Variants in SEM1 observed in about 807,000 individuals in gnomAD.
The protein encoded by SEM1 is SEM1 26S proteasome subunit, also known as 26S proteasome complex subunit SEM1.
SEM1 carries 3 observed loss-of-function variants against 12.7 expected under a neutral mutation model. The ratio of observed to expected loss-of-function variants is 0.24; its 90% confidence interval spans 0.11 to 0.61. SEM1 has a LOEUF of 0.61. SEM1 is among the 20% of genes least tolerant of loss of function. The pLI is 0.88. For missense variants in SEM1, 59 were observed against 81.3 expected (o/e 0.73, Z 1.06); for synonymous variants, 30 against 27.8 (o/e 1.08, Z -0.25).
chr7:96,524,087 A>T (rs186379811), intron 2 of SEM1, among the ~76,000 whole-genome samples: 116 of 152,174 alleles, frequency 7.6e-4, no homozygotes, highest in Admixed American at 3.6e-3. Flanking sequence ...GACTTTTTGG[A>T]CATGCTGCCA....
chr7:96,613,010 A>T (rs776131538), intron 2 of SEM1, among the ~76,000 whole-genome samples: 17 of 152,280 alleles, frequency 1.1e-4, no homozygotes, highest in African/African-American at 3.8e-4. Context: ...TATTTTTTTT[A>T]AAGTCATCTG....
chr7:96,550,986 T>C (rs2115840023), intron 2 of SEM1, among the ~76,000 whole-genome samples: 1 of 152,284 alleles, frequency 6.6e-6, no homozygotes, highest in Middle Eastern at 3.4e-3. Context: ...CAACAGATAC[T>C]ATGTGCATCA....
At chr7:96,497,029 ACACT>A (rs1803308832), upstream of SEM1, among the ~76,000 whole-genome samples, 1 of 152,038 alleles carries the variant, frequency 6.6e-6, no homozygotes, top group South Asian at 2.1e-4. Context: ...ACACACACAC[ACACT>A]CTGTCATACA....
intron 2 of SEM1, among the ~76,000 whole-genome samples, chr7:96,567,365 CACTTATACA>C (rs1805873630): frequency 2.6e-5 from 4 of 151,436 alleles, no homozygotes; most frequent in Non-Finnish European, 5.9e-5. Flanking sequence ...ATGTAACTTT[CACTTATACA>C]TAGGAAAATA....
At chr7:96,592,343 C>A (rs887845709) in intron 2 of SEM1, among the ~76,000 whole-genome samples, 1 of 151,874 alleles carries the variant, frequency 6.6e-6, no homozygotes, top group Admixed American at 6.6e-5. Flanking sequence ...GAGGCACTTG[C>A]CCCCAACTGA....
chr7:96,652,368 A>T (rs1584835178), intron 2 of SEM1, among the ~76,000 whole-genome samples: 1 of 152,136 alleles, frequency 6.6e-6, no homozygotes, highest in Non-Finnish European at 1.5e-5. Flanking sequence ...TGAATTCTAT[A>T]TATATTGTAC....
chr7:96,568,135 C>T (rs1805906783), intron 2 of SEM1, among the ~76,000 whole-genome samples: 1 of 151,706 alleles, frequency 6.6e-6, no homozygotes, highest in Admixed American at 6.6e-5. Context: ...GGGCCTGATG[C>T]CTGCAACTTT....
At chr7:96,700,149 C>T (rs928061843) in intron 1 of SEM1, among the ~76,000 whole-genome samples, 1 of 152,026 alleles carries the variant, frequency 6.6e-6, no homozygotes, top group East Asian at 1.9e-4. Context: ...TTTTCAGTAC[C>T]AGATTTATAG....
At chr7:96,483,998 A>G (rs754651900) in intron 3 of SEM1, 36 of 1,492,228 alleles carry the variant, frequency 2.4e-5, no homozygotes, top group Non-Finnish European at 3.2e-5. Flanking sequence ...CCTATGAAGA[A>G]GAATGATAAA....
At chr7:96,585,729 T>C (rs979543009) in intron 2 of SEM1, among the ~76,000 whole-genome samples, 9 of 138,086 alleles carry the variant, frequency 6.5e-5, no homozygotes, top group Non-Finnish European at 1.3e-4. Flanking sequence ...GACCCGATTT[T>C]CCAGGTGCTG....
chr7:96,555,822 TC>T (rs541727572), intron 2 of SEM1, among the ~76,000 whole-genome samples: 3,174 of 149,688 alleles, frequency 0.021, 85 homozygotes, highest in African/African-American at 0.075. Flanking sequence ...CGTGTGGGAG[TC>T]TAAGTCTCTT....
intron 1 of SEM1, among the ~76,000 whole-genome samples, chr7:96,700,475 G>A (rs1790236387): frequency 6.6e-6 from 1 of 152,144 alleles, no homozygotes; most frequent in Non-Finnish European, 1.5e-5. Context: ...CCAAGTGGTA[G>A]TCAGCCCTCT....
intron 2 of SEM1, among the ~76,000 whole-genome samples, chr7:96,674,263 A>G (rs1388094436): frequency 6.6e-6 from 1 of 152,168 alleles, no homozygotes; most frequent in East Asian, 1.9e-4. Flanking sequence ...TTTACTTACC[A>G]ACAAAATAGG....
chr7:96,551,460 G>T (rs919088522), intron 2 of SEM1, among the ~76,000 whole-genome samples: 1 of 152,098 alleles, frequency 6.6e-6, no homozygotes, highest in Non-Finnish European at 1.5e-5. Flanking sequence ...AGCACTTTGG[G>T]AGGCCAAGGC....
intron 2 of SEM1, among the ~76,000 whole-genome samples, chr7:96,677,856 A>T (rs982997740): frequency 4.6e-5 from 7 of 152,180 alleles, no homozygotes; most frequent in Non-Finnish European, 1.0e-4. Context: ...ATGTTTTCCC[A>T]GTAGCCAAGA....
rs1253870883 is a variant in SEM1 at position 96,640,614 on chromosome 7, A to C, written c.171-17971T>G. ...GTGGAGAACAGAGGATTTTTAGGGA[A>C]GTGAAAATACTCTGTAAGATACTAT... On this transcript the variant is annotated intron_variant, in intron 2 of 2. Coordinates refer to the SEM1 transcript ENST00000417009. This position sits in a 1 kb window ranked among gnomAD's most constrained non-coding sequence, Gnocchi z 4.0. 6.6e-6 allele frequency among the ~76,000 whole-genome samples: 1 copy of C among 151,960 alleles called. No homozygotes were observed. Among genetic ancestry groups the C allele is most frequent in the East Asian group, 1.9e-4 (1 of 5,184 alleles).
At chr7:96,611,038 C>T (rs1331895895) in intron 2 of SEM1, among the ~76,000 whole-genome samples, 1 of 152,164 alleles carries the variant, frequency 6.6e-6, no homozygotes, top group South Asian at 2.1e-4. Context: ...AAGATTGACT[C>T]ATAGAGGAAA....
intron 2 of SEM1, among the ~76,000 whole-genome samples, chr7:96,572,557 G>A (rs1806071278): frequency 6.6e-6 from 1 of 152,126 alleles, no homozygotes; most frequent in South Asian, 2.1e-4. Context: ...AGTCATTCAG[G>A]AGCAGGTTGT....
rs1419169679 is a variant in SEM1 at position 96,640,217 on chromosome 7, C to T, written c.171-17574G>A. ...ACCATGGGATCCAGAAATTATATGCCTTGGTATTTACTCAAAGGAACTGAA... is the reference window on the plus strand; with the variant it reads ...ACCATGGGATCCAGAAATTATATGCTTTGGTATTTACTCAAAGGAACTGAA... On this transcript the variant is annotated intron_variant, in intron 2 of 2. Coordinates refer to the SEM1 transcript ENST00000417009. This position sits in a 1 kb window ranked among gnomAD's most constrained non-coding sequence, Gnocchi z 4.0. Among the ~76,000 whole-genome samples the T allele has an allele frequency of 6.6e-6, 1 of 151,886 alleles. No individual in the cohort carries two copies. The highest frequency in any genetic ancestry group is 1.5e-5 in the Non-Finnish European group (1 of 67,886).
Sources: allele counts gnomAD v4.1 joint callset (sites outside exome capture counted in the v4.1 genomes callset), GRCh38; gene constraint gnomAD v4.1.1; non-coding constraint Gnocchi (gnomAD v3.1); transcripts MANE v1.5; gene names NCBI Gene and HGNC (gene_info 2026-07-23, HGNC 2026-07-21).